The following ALK variants were observed in gnomAD, a reference collection of about 807,000 sequenced individuals.
ALK encodes the protein ALK receptor tyrosine kinase.
A neutral mutation model predicts 163.1 loss-of-function variants in ALK; 74 were observed. That is an observed-to-expected ratio of 0.45 (90% CI 0.38 to 0.55). The LOEUF (loss-of-function observed/expected upper bound fraction) is 0.55, where lower values mean the gene tolerates loss of function less well. ALK is among the 20% of genes least tolerant of loss of function. The probability of loss-of-function intolerance (pLI) is 0.00; values close to 1 mark genes in which losing one functional copy is unlikely to be tolerated. For missense variants in ALK, 2,063 were observed against 2,105.3 expected (o/e 0.98, Z 0.39); for synonymous variants, 960 against 843.2 (o/e 1.14, Z -2.40).
At chr2:29,523,875 T>C (rs1319445359) in intron 4 of ALK, among the ~76,000 whole-genome samples, 4 of 146,060 alleles carry the variant, frequency 2.7e-5, no homozygotes, top group East Asian at 4.0e-4. Flanking sequence ...TTTTTTTTTT[T>C]TTTTTTTTTT....
chr2:29,322,167 C>T (rs933152411), intron 6 of ALK, among the ~76,000 whole-genome samples: 1 of 152,230 alleles, frequency 6.6e-6, no homozygotes, highest in Non-Finnish European at 1.5e-5. Flanking sequence ...CACTGCATGT[C>T]CTTCCTCTGT....
chr2:29,908,508 G>GT (rs764733954), intron 1 of ALK, among the ~76,000 whole-genome samples: 1 of 152,164 alleles, frequency 6.6e-6, no homozygotes, highest in Non-Finnish European at 1.5e-5. Context: ...TTCTGGAAGT[G>GT]TTTTTATTTT....
At chr2:29,506,955 A>T (rs944537665) in intron 4 of ALK, among the ~76,000 whole-genome samples, 4 of 152,170 alleles carry the variant, frequency 2.6e-5, no homozygotes, top group Admixed American at 6.5e-5. Context: ...CCACTATGGA[A>T]ACATCATGGT....
chr2:29,895,185 C>T (rs768983070), intron 1 of ALK, among the ~76,000 whole-genome samples: 6 of 152,144 alleles, frequency 3.9e-5, no homozygotes, highest in Non-Finnish European at 2.9e-5. Context: ...GCTGGTTGAT[C>T]CTAATTCTCT....
At chr2:29,448,562 A>G (rs566629253) in intron 4 of ALK, among the ~76,000 whole-genome samples, 138 of 152,296 alleles carry the variant, frequency 9.1e-4, no homozygotes, top group Admixed American at 2.0e-3. Flanking sequence ...ACACTGATAT[A>G]TGTGTTTGGG....
chr2:29,293,111 T>G (rs978899707), intron 9 of ALK, among the ~76,000 whole-genome samples: 1 of 152,198 alleles, frequency 6.6e-6, no homozygotes, highest in Non-Finnish European at 1.5e-5. Flanking sequence ...TAACAAATGC[T>G]GTTTTGGTTC....
At chr2:29,636,709 G>C (rs1296856315) in intron 3 of ALK, among the ~76,000 whole-genome samples, 1 of 152,110 alleles carries the variant, frequency 6.6e-6, no homozygotes, top group Non-Finnish European at 1.5e-5. Context: ...TCTGAGAAAA[G>C]ACTAGTATCT....
At position 29,193,029 on chromosome 2, in the gene ALK, G is replaced by C. The variant is rs767013010; in HGVS notation, c.*195C>G. 6.4e-6 allele frequency: 4 copies of C among 625,706 alleles called. No homozygotes were observed. The East Asian group carries it at 1.1e-4, about 18-fold the overall frequency. The allele number at this position is 625,706 out of a possible 1,614,324, so 38.8% of individuals were successfully genotyped here. ...CATTTTTATGATATTTTCTTCTTTC[G>C]AAAGAATAGGATGAACCCATGCTCA... On this transcript the variant is annotated 3_prime_UTR_variant, in exon 29 of 29. Coordinates refer to ENST00000389048, the MANE Select transcript of ALK (RefSeq NM_004304.5).
intron 1 of ALK, among the ~76,000 whole-genome samples, chr2:29,809,420 T>G (rs1250838367): frequency 6.6e-6 from 1 of 152,142 alleles, no homozygotes; most frequent in African/African-American, 2.4e-5. Flanking sequence ...ATTCAAAAAT[T>G]TTACTGGAAC....
intron 15 of ALK, among the ~76,000 whole-genome samples, chr2:29,231,159 G>C (rs1573137961): frequency 6.6e-6 from 1 of 152,244 alleles, no homozygotes; most frequent in Non-Finnish European, 1.5e-5. Context: ...CCAACATGGA[G>C]AAACCACGTC....
chr2:29,300,825 G>T (rs1666347697), intron 8 of ALK, among the ~76,000 whole-genome samples: 1 of 152,190 alleles, frequency 6.6e-6, no homozygotes, highest in Admixed American at 6.5e-5. Context: ...GATGACAGAA[G>T]AGGAGGAGAG....
intron 3 of ALK, among the ~76,000 whole-genome samples, chr2:29,645,882 A>G (rs767245488): frequency 2.0e-5 from 3 of 152,030 alleles, no homozygotes; most frequent in Admixed American, 2.0e-4. Flanking sequence ...CATCTCCCCA[A>G]GATGCTAATA....
chr2:29,543,210 G>T (rs142620525), intron 3 of ALK, among the ~76,000 whole-genome samples: 1 of 152,136 alleles, frequency 6.6e-6, no homozygotes, highest in South Asian at 2.1e-4. Context: ...TTATGGAAGG[G>T]TGAGGGGAGG....
intron 3 of ALK, among the ~76,000 whole-genome samples, chr2:29,555,222 C>T (rs189612826): frequency 6.6e-6 from 1 of 152,070 alleles, no homozygotes; most frequent in Non-Finnish European, 1.5e-5. Flanking sequence ...AACACTACCC[C>T]CTCAGATGGC....
At chr2:29,913,866 G>A (rs534049481) in intron 1 of ALK, among the ~76,000 whole-genome samples, 1 of 152,224 alleles carries the variant, frequency 6.6e-6, no homozygotes, top group African/African-American at 2.4e-5. Context: ...GCAATGAAGG[G>A]TGATGCTGAA....
intron 4 of ALK, among the ~76,000 whole-genome samples, chr2:29,466,504 T>TAATC (rs1272029418): frequency 6.6e-6 from 1 of 152,242 alleles, no homozygotes; most frequent in Non-Finnish European, 1.5e-5. Flanking sequence ...TTATGTTTTT[T>TAATC]AATCAATCAA....
intron 4 of ALK, among the ~76,000 whole-genome samples, chr2:29,412,295 G>T (rs763470321): frequency 1.3e-5 from 2 of 152,196 alleles, no homozygotes; most frequent in Non-Finnish European, 2.9e-5. Flanking sequence ...ATTCAGGAAG[G>T]CATCTTGGAG....
chr2:29,687,088 T>C (rs1168593716), intron 3 of ALK, among the ~76,000 whole-genome samples: 1 of 151,972 alleles, frequency 6.6e-6, no homozygotes, highest in Non-Finnish European at 1.5e-5. Context: ...CTTAGTATGA[T>C]GAGAAATCAT....
intron 3 of ALK, among the ~76,000 whole-genome samples, chr2:29,539,471 T>C (rs576838236): frequency 6.6e-6 from 1 of 152,272 alleles, no homozygotes; most frequent in South Asian, 2.1e-4. Context: ...TAGCTATTTC[T>C]GTCTTTCTTT....
Sources: gnomAD v4.1 joint callset for allele counts (sites outside exome capture counted in the v4.1 genomes callset) on GRCh38, gnomAD v4.1.1 for gene constraint, MANE v1.5 for transcripts, NCBI Gene and HGNC (gene_info 2026-07-23, HGNC 2026-07-21) for gene names.